The following NPAS3 variants were observed in gnomAD, a reference collection of about 807,000 sequenced individuals.
NPAS3 encodes the protein neuronal PAS domain-containing protein 3.
NPAS3 carries 14 observed loss-of-function variants against 73.1 expected under a neutral mutation model. The observed-to-expected ratio is 0.19, with a 90% CI of 0.13 to 0.30. The LOEUF (loss-of-function observed/expected upper bound fraction) is 0.30, where lower values mean the gene tolerates loss of function less well. Among genes scored for constraint, NPAS3 ranks in the 10% least tolerant of loss-of-function variants. The pLI is 1.00. For synonymous variants in NPAS3, 620 were observed against 541.5 expected (o/e 1.14, Z -2.01); for missense variants, 1,096 against 1,250.0 (o/e 0.88, Z 1.86).
rs545260847 is a variant in NPAS3, at chr14:33,720,062, A to G, written c.734-15152A>G. Among the ~76,000 whole-genome samples the G allele has an allele frequency of 3.3e-5, 5 of 152,348 alleles. No homozygotes were observed. The South Asian group carries it at 1.0e-3, about 32-fold the overall frequency. ...AATATAAGTTCCAAAGAAGATAGTC[A>G]TTACAATAATAATATTGTTATTACC... is the stretch of plus-strand genomic sequence containing the variant. On this transcript the variant is annotated intron_variant, in intron 6 of 11. Coordinates refer to ENST00000356141, the Ensembl canonical transcript of NPAS3.
intron 9 of NPAS3, among the ~76,000 whole-genome samples, chr14:33,780,132 C>T (rs549605561): frequency 3.3e-5 from 5 of 152,320 alleles, no homozygotes; most frequent in Admixed American, 2.0e-4. Flanking sequence ...GTATATACCA[C>T]GTCTCTGGAA....
intron 1 of NPAS3, among the ~76,000 whole-genome samples, chr14:33,033,445 C>T (rs2040063521): frequency 1.3e-5 from 2 of 152,090 alleles, no homozygotes. Context: ...CGCCACTGCA[C>T]TCCAGCCTGG....
chr14:32,949,742 A>C (rs2036407769), intron 1 of NPAS3, among the ~76,000 whole-genome samples: 1 of 151,864 alleles, frequency 6.6e-6, no homozygotes, highest in African/African-American at 2.4e-5. Flanking sequence ...GTTAAAAAGA[A>C]AAAAGAAAAA....
intron 2 of NPAS3, among the ~76,000 whole-genome samples, chr14:33,072,039 C>T (rs551289209): frequency 1.4e-4 from 21 of 152,194 alleles, no homozygotes; most frequent in Admixed American, 1.1e-3. Flanking sequence ...TACAGATGTG[C>T]ACCACCACGC....
intron 4 of NPAS3, among the ~76,000 whole-genome samples, chr14:33,382,861 T>G (rs1010609447): frequency 1.3e-5 from 2 of 151,928 alleles, no homozygotes; most frequent in Non-Finnish European, 2.9e-5. Context: ...GGGAGACAGG[T>G]GGGAAGATTG....
At chr14:33,163,357 A>C (rs1210268699) in intron 2 of NPAS3, among the ~76,000 whole-genome samples, 2 of 152,224 alleles carry the variant, frequency 1.3e-5, no homozygotes, top group Non-Finnish European at 2.9e-5. Context: ...GGAGCATGTA[A>C]GATAGCAGAG....
intron 6 of NPAS3, among the ~76,000 whole-genome samples, chr14:33,677,968 C>T (rs537704914): frequency 6.6e-6 from 1 of 152,296 alleles, no homozygotes; most frequent in Non-Finnish European, 1.5e-5. Flanking sequence ...GTTTTCTACT[C>T]TTTCATCCTG....
At chr14:33,703,813 A>G (rs962406845) in intron 6 of NPAS3, among the ~76,000 whole-genome samples, 5 of 152,126 alleles carry the variant, frequency 3.3e-5, no homozygotes, top group African/African-American at 1.2e-4. Context: ...AGGTGAGTAA[A>G]AAATCTCAAA....
intron 3 of NPAS3, among the ~76,000 whole-genome samples, chr14:33,355,313 T>G (rs2045286347): frequency 1.3e-5 from 2 of 152,180 alleles, no homozygotes; most frequent in Non-Finnish European, 2.9e-5. Flanking sequence ...CGTTGCTCTT[T>G]TTTTTGAGAT....
At chr14:33,473,234 C>G (rs2050867304) in intron 4 of NPAS3, among the ~76,000 whole-genome samples, 1 of 152,170 alleles carries the variant, frequency 6.6e-6, no homozygotes, top group South Asian at 2.1e-4. Flanking sequence ...TCAGAATCTT[C>G]ACCTAATAGG....
intron 3 of NPAS3, among the ~76,000 whole-genome samples, chr14:33,246,798 A>G (rs896451720): frequency 5.1e-5 from 7 of 138,240 alleles, no homozygotes; most frequent in Middle Eastern, 3.8e-3. Flanking sequence ...GTTCGAGACC[A>G]GGCTGGCCAA....
chr14:32,943,024 C>G (rs2036089869), intron 1 of NPAS3, among the ~76,000 whole-genome samples: 1 of 152,168 alleles, frequency 6.6e-6, no homozygotes, highest in South Asian at 2.1e-4. Flanking sequence ...ATGTAAGACC[C>G]TCCCTCATTA....
rs747764311 is a variant in NPAS3 at position 33,215,176 on chromosome 14, T to C, written c.141-6T>C. 26 of 1,613,340 alleles carry C rather than the reference T, an allele frequency of 1.6e-5. No individual in the cohort carries two copies. Among genetic ancestry groups the C allele is most frequent in the Non-Finnish European group, 8.5e-7 (1 of 1,179,542 alleles). ...AAACCACACATTCTCACTCCTTTGA[T>C]TTCAGTTTACAAGCATTGAGAAAGG... On this transcript the variant is annotated splice_region_variant and splice_polypyrimidine_tract_variant and intron_variant, in intron 2 of 11. Coordinates refer to ENST00000356141, the Ensembl canonical transcript of NPAS3.
intron 4 of NPAS3, among the ~76,000 whole-genome samples, chr14:33,409,596 G>A (rs2047827946): frequency 6.6e-6 from 1 of 152,126 alleles, no homozygotes; most frequent in African/African-American, 2.4e-5. Flanking sequence ...TTTAAAATGT[G>A]GAAAAGTGGG....
At chr14:33,775,566 T>C (rs991513332) in intron 8 of NPAS3, among the ~76,000 whole-genome samples, 1 of 152,156 alleles carries the variant, frequency 6.6e-6, no homozygotes, top group Non-Finnish European at 1.5e-5. Flanking sequence ...GCCTATCATT[T>C]CTGAACAGGA....
chr14:33,722,983 G>A (rs2061158727), intron 6 of NPAS3, among the ~76,000 whole-genome samples: 1 of 152,116 alleles, frequency 6.6e-6, no homozygotes, highest in African/African-American at 2.4e-5. Flanking sequence ...ACTGATTCAG[G>A]AGATATTGTG....
intron 2 of NPAS3, among the ~76,000 whole-genome samples, chr14:33,058,572 G>T (rs934203840): frequency 6.6e-6 from 1 of 152,006 alleles, no homozygotes; most frequent in Non-Finnish European, 1.5e-5. Flanking sequence ...TCTAACTCTT[G>T]GTTACTATTC....
intron 2 of NPAS3, among the ~76,000 whole-genome samples, chr14:33,095,675 T>TTA (rs2042388900): frequency 1.4e-5 from 2 of 138,486 alleles, no homozygotes; most frequent in South Asian, 4.6e-4. Context: ...TTTTTATTTT[T>TTA]TTTTTTTTTT....
intron 3 of NPAS3, among the ~76,000 whole-genome samples, chr14:33,315,270 A>G (rs1229267775): frequency 6.6e-6 from 1 of 152,088 alleles, no homozygotes; most frequent in Non-Finnish European, 1.5e-5. Flanking sequence ...ATACAAAACT[A>G]TGTGTGAATA....
Sources: allele counts gnomAD v4.1 joint callset (sites outside exome capture counted in the v4.1 genomes callset), GRCh38; gene constraint gnomAD v4.1.1; transcripts MANE v1.5; gene names NCBI Gene and HGNC (gene_info 2026-07-23, HGNC 2026-07-21).